Variants in SLC1A2 observed in about 807,000 individuals in gnomAD.
SLC1A2 encodes solute carrier family 1 member 2.
Under a neutral mutation model 48.8 loss-of-function variants are expected in SLC1A2, and 15 were observed. The ratio of observed to expected loss-of-function variants is 0.31; its 90% CI spans 0.21 to 0.47. The LOEUF is 0.47. Among genes scored for constraint, SLC1A2 ranks in the 20% least tolerant of loss-of-function variants. The pLI is 0.99. For synonymous variants in SLC1A2, 279 were observed against 272.6 expected (o/e 1.02, Z -0.23); for missense variants, 502 against 730.5 (o/e 0.69, Z 3.61).
intron 1 of SLC1A2, among the ~76,000 whole-genome samples, chr11:35,344,338 A>C (rs565417616): frequency 6.6e-6 from 1 of 152,350 alleles, no homozygotes; most frequent in East Asian, 1.9e-4. Context: ...CAGTGACTTG[A>C]AGAAAGTTAC....
chr11:35,281,951 C>T (rs1187382351), intron 8 of SLC1A2: 1 of 152,104 alleles, frequency 6.6e-6, no homozygotes, highest in East Asian at 1.9e-4. Flanking sequence ...TTATAAAATA[C>T]TAGAAATTTT....
intron 8 of SLC1A2, 90 bp from the exon 9 acceptor site, chr11:35,281,091 C>T: frequency 4.9e-6 from 7 of 1,434,052 alleles, no homozygotes; most frequent in Non-Finnish European, 6.4e-6. Context: ...TTTCCTGCAG[C>T]CATAAAATTC....
chr11:35,338,590 G>GACT (rs1236560540), intron 1 of SLC1A2, among the ~76,000 whole-genome samples: 2 of 152,190 alleles, frequency 1.3e-5, no homozygotes, highest in Non-Finnish European at 2.9e-5. Flanking sequence ...TAGCTGCTAG[G>GACT]ATGTGTCCAG....
chr11:35,271,369 T>C (rs1850274870), intron 9 of SLC1A2, among the ~76,000 whole-genome samples: 1 of 152,164 alleles, frequency 6.6e-6, no homozygotes, highest in Non-Finnish European at 1.5e-5. Context: ...ACCGAGGTGC[T>C]TAATTAACCC....
In SLC1A2 at chr11:35,419,045, C is replaced by A; in HGVS notation, c.-79G>T. 1 of 1,336,370 alleles carries A rather than the reference C, an allele frequency of 7.5e-7. No individual in the cohort carries two copies. Among genetic ancestry groups the A allele is most frequent in the Non-Finnish European group, 1.0e-6 (1 of 960,702 alleles). The allele number at this position is 1,336,370 out of a possible 1,614,324, so 82.8% of individuals were successfully genotyped here. A position where few individuals can be genotyped will look rare whatever the true frequency, so the allele number is the denominator to read the frequency against. On this transcript the variant is annotated 5_prime_UTR_variant, in exon 1 of 11. Coordinates refer to ENST00000278379, the MANE Select transcript of SLC1A2 (RefSeq NM_004171.4). This position sits in a 1 kb window ranked among gnomAD's most constrained non-coding sequence, Gnocchi z 5.4. Reference sequence around the variant, plus strand: ...GAGAAAGCGGACGCCGGGGTGAGCGCGAAGTGCGGCCGGGAGCGGTATTTA... The same window carrying A: ...GAGAAAGCGGACGCCGGGGTGAGCGAGAAGTGCGGCCGGGAGCGGTATTTA...
chr11:35,341,908 G>T (rs1852853678), intron 1 of SLC1A2, among the ~76,000 whole-genome samples: 1 of 152,190 alleles, frequency 6.6e-6, no homozygotes, highest in Non-Finnish European at 1.5e-5. Flanking sequence ...ATATTTTGAT[G>T]CAATGAAAGT....
intron 1 of SLC1A2, among the ~76,000 whole-genome samples, chr11:35,414,345 A>G (rs1389156926): frequency 6.6e-6 from 1 of 152,332 alleles, no homozygotes; most frequent in East Asian, 1.9e-4. Context: ...CTTTTCTGAC[A>G]TCATTTAAAG....
intron 10 of SLC1A2, chr11:35,261,741 C>T (rs1950397538): frequency 5.0e-6 from 2 of 398,482 alleles, no homozygotes; most frequent in Non-Finnish European, 8.9e-6. Flanking sequence ...AATGGAGAGA[C>T]TGGATTTATG....
intron 1 of SLC1A2, among the ~76,000 whole-genome samples, chr11:35,404,103 G>C (rs4755404): frequency 0.58 from 87,503 of 151,772 alleles, 25,594 homozygotes; most frequent in Middle Eastern, 0.69. Flanking sequence ...CTAGACTTTG[G>C]GGGTGGCTGG....
Position 35,280,941 on chromosome 11 carries a change from G to T in SLC1A2, c.1347C>A (p.Thr449=). 8.7e-6 allele frequency: 14 copies of T among 1,613,290 alleles called. No homozygotes were observed. The highest frequency in any genetic ancestry group is 1.1e-5 in the Non-Finnish European group (13 of 1,179,792). The change falls in exon 9 of 11, where the codon ACC becomes ACA. Residue 449 remains threonine (T), a synonymous_variant. Coordinates refer to ENST00000278379, the MANE Select transcript of SLC1A2 (RefSeq NM_004171.4). ...AASIPSAGLV[T]MLLILTAVGL... is the part of the protein sequence containing the mutation. ...CCACGGCTGTCAGAATGAGGAGCATGGTGACCAGCCCGGCACTGGGGATAC... is the reference window on the plus strand; with the variant it reads ...CCACGGCTGTCAGAATGAGGAGCATTGTGACCAGCCCGGCACTGGGGATAC...
chr11:35,357,764 A>T (rs886154638), intron 1 of SLC1A2, among the ~76,000 whole-genome samples: 21 of 152,358 alleles, frequency 1.4e-4, no homozygotes, highest in African/African-American at 5.1e-4. Context: ...TATAAGAGTG[A>T]CCATTAGGAC....
At chr11:35,349,237 A>G (rs1853153086) in intron 1 of SLC1A2, among the ~76,000 whole-genome samples, 1 of 152,214 alleles carries the variant, frequency 6.6e-6, no homozygotes. Context: ...AGATCAGGGT[A>G]AAAACCAGCG....
At chr11:35,274,177 C>T (rs747010326) in intron 9 of SLC1A2, among the ~76,000 whole-genome samples, 18 of 152,200 alleles carry the variant, frequency 1.2e-4, no homozygotes, top group South Asian at 6.2e-4. Flanking sequence ...GAAGGGGAGA[C>T]GACTTCTTTT....
chr11:35,336,395 A>G (rs1205436146), intron 1 of SLC1A2, among the ~76,000 whole-genome samples: 3 of 152,264 alleles, frequency 2.0e-5, no homozygotes, highest in Non-Finnish European at 4.4e-5. Flanking sequence ...TTTGAAGGTG[A>G]CCCAATCAGC....
chr11:35,352,003 T>G (rs560899808), intron 1 of SLC1A2, among the ~76,000 whole-genome samples: 1 of 152,350 alleles, frequency 6.6e-6, no homozygotes, highest in South Asian at 2.1e-4. Flanking sequence ...TCCTAGTGGC[T>G]ATCTGTGAAT....
chr11:35,313,432 A>G (rs1034526078), intron 3 of SLC1A2, among the ~76,000 whole-genome samples: 1 of 152,232 alleles, frequency 6.6e-6, no homozygotes, highest in Non-Finnish European at 1.5e-5. Context: ...GCAAATTCAC[A>G]AAAACTCCAG....
rs763120291 is a variant in SLC1A2 at position 35,306,253 on chromosome 11, G to C, written c.562-11C>G. On this transcript the variant is annotated splice_polypyrimidine_tract_variant and intron_variant, in intron 4 of 10. Coordinates refer to ENST00000278379, the MANE Select transcript of SLC1A2 (RefSeq NM_004171.4). ...CGTCACTGTTTGAATCTAACAGAGTGAGGGAAAAAAGGCATAGAGCTGAGA... is the reference window on the plus strand; with the variant it reads ...CGTCACTGTTTGAATCTAACAGAGTCAGGGAAAAAAGGCATAGAGCTGAGA... 95 of 1,603,108 alleles carry C rather than the reference G, an allele frequency of 5.9e-5. No homozygotes were observed. The highest frequency in any genetic ancestry group is 7.5e-5 in the Non-Finnish European group (88 of 1,173,584).
intron 1 of SLC1A2, among the ~76,000 whole-genome samples, chr11:35,372,325 C>A (rs1222531731): frequency 6.6e-6 from 1 of 152,226 alleles, no homozygotes; most frequent in Non-Finnish European, 1.5e-5. Context: ...TTCTGCTATG[C>A]TATCTTATGG....
intron 1 of SLC1A2, among the ~76,000 whole-genome samples, chr11:35,409,343 TG>T (rs965473571): frequency 6.6e-6 from 1 of 152,200 alleles, no homozygotes; most frequent in Non-Finnish European, 1.5e-5. Flanking sequence ...AAATAACACT[TG>T]CAGGAGTGTG....
Sources: allele counts gnomAD v4.1 joint callset (sites outside exome capture counted in the v4.1 genomes callset), GRCh38; gene constraint gnomAD v4.1.1; non-coding constraint Gnocchi (gnomAD v3.1); transcripts MANE v1.5; gene names NCBI Gene and HGNC (gene_info 2026-07-23, HGNC 2026-07-21).